Variants in CXADR observed in about 807,000 individuals in gnomAD.
The protein encoded by CXADR is coxsackievirus and adenovirus receptor.
A neutral mutation model predicts 40.3 loss-of-function variants in CXADR; 20 were observed. The ratio of observed to expected loss-of-function variants is 0.50; its 90% CI spans 0.35 to 0.72. CXADR has a LOEUF of 0.72. CXADR is among the 30% of genes least tolerant of loss of function. CXADR has a pLI of 0.01. For synonymous variants in CXADR, 150 were observed against 161.3 expected (o/e 0.93, Z 0.53); for missense variants, 332 against 449.1 (o/e 0.74, Z 2.36).
chr21:17,531,247 T>C (rs1806577243), intron 1 of CXADR, among the ~76,000 whole-genome samples: 2 of 150,898 alleles, frequency 1.3e-5, no homozygotes, highest in South Asian at 2.1e-4. Context: ...TGCAGTGAGC[T>C]GAGTTTGTGC....
chr21:17,592,622 AAAGT>A (rs950038285), intron 7 of CXADR, among the ~76,000 whole-genome samples: 46 of 152,036 alleles, frequency 3.0e-4, no homozygotes, highest in African/African-American at 1.0e-3. Flanking sequence ...GATGACTCTG[AAAGT>A]AATTTTTTTT....
chr21:17,593,415 C>T (rs78948075), exon 8 of CXADR: 1 of 338,168 alleles, frequency 3.0e-6, no homozygotes, highest in South Asian at 1.5e-4. Context: ...TATAGTGACA[C>T]TGATAGTTAA....
chr21:17,522,742 G>A (rs929911080), intron 1 of CXADR, among the ~76,000 whole-genome samples: 5 of 151,988 alleles, frequency 3.3e-5, no homozygotes, highest in Admixed American at 6.6e-5. Flanking sequence ...TTCGTGTACC[G>A]TAAATGCCAA....
chr21:17,565,424 G>T lies in CXADR; in HGVS notation c.834-4G>T, dbSNP rs1290728894. Reference sequence around the variant, plus strand: ...TGACATGTATTGGGGATTTTGCTTTGCAGGGAAGATGTGCCACCTCCAAAG... The same window carrying T: ...TGACATGTATTGGGGATTTTGCTTTTCAGGGAAGATGTGCCACCTCCAAAG... On this transcript the variant is annotated splice_region_variant and splice_polypyrimidine_tract_variant and intron_variant, in intron 6 of 6. Transcript: ENST00000284878. The T allele has an allele frequency of 1.2e-6, 2 of 1,613,190 alleles. No individual in the cohort carries two copies. The highest frequency in any genetic ancestry group is 1.7e-6 in the Non-Finnish European group (2 of 1,179,462).
chr21:17,577,650 A>G (rs2061331884), intron 7 of CXADR, among the ~76,000 whole-genome samples: 1 of 70,636 alleles, frequency 1.4e-5, no homozygotes, highest in African/African-American at 5.1e-5. Context: ...TAACTGATGC[A>G]TTGATCTCTA....
At chr21:17,579,376 C>G (rs1317676963) in intron 7 of CXADR, among the ~76,000 whole-genome samples, 1 of 151,802 alleles carries the variant, frequency 6.6e-6, no homozygotes, top group Non-Finnish European at 1.5e-5. Context: ...CCTCCGTCTC[C>G]CAGGTTCAAG....
At chr21:17,616,618 T>C in the CXADR span, among the ~76,000 whole-genome samples, 1 of 152,124 alleles carries the variant, frequency 6.6e-6, no homozygotes, top group Admixed American at 6.5e-5. Flanking sequence ...GAGGATTTTG[T>C]GTTATGTTAG....
At chr21:17,537,216 G>T (rs910149624) in intron 1 of CXADR, among the ~76,000 whole-genome samples, 1 of 152,172 alleles carries the variant, frequency 6.6e-6, no homozygotes. Context: ...CCTCTGATTT[G>T]TTGTTTTTAT....
the CXADR span, chr21:17,609,177 C>T: frequency 6.3e-7 from 1 of 1,591,760 alleles, no homozygotes; most frequent in Non-Finnish European, 8.5e-7. Flanking sequence ...CATGTTTTCT[C>T]AGAAAAACAA....
Position 17,534,019 on chromosome 21 carries a change from T to TATATAGCTATATATATATATACAC in CXADR, c.44-13003_44-13002insGCTATATATATATATACACATATA, listed in dbSNP as rs1555864917. Among the ~76,000 whole-genome samples the TATATAGCTATATATATATATACAC allele has an allele frequency of 3.3e-3, 266 of 81,376 alleles. 3 individuals carry two copies. Among genetic ancestry groups the TATATAGCTATATATATATATACAC allele is most frequent in the African/African-American group, 9.0e-3 (261 of 28,972 alleles). 53.4% of individuals were successfully genotyped at this position (81,376 alleles called of 152,430 possible). The stretch of plus-strand genomic sequence containing the variant: ...TCTCTTTCTCAGCAATATATATATA[T>TATATAGCTATATATATATATACAC]ATATATATAGCTATATATATATATA... On this transcript the variant is annotated intron_variant, in intron 1 of 6. Coordinates refer to ENST00000284878, the MANE Select transcript of CXADR (RefSeq NM_001338.5).
chr21:17,602,122 ACT>A, the CXADR span, among the ~76,000 whole-genome samples: 11 of 151,840 alleles, frequency 7.2e-5, no homozygotes, highest in Non-Finnish European at 1.0e-4. Flanking sequence ...AGTATTTAAC[ACT>A]CTATTGGGGG....
At chr21:17,520,083 A>G (rs940587256) in intron 1 of CXADR, among the ~76,000 whole-genome samples, 4 of 152,058 alleles carry the variant, frequency 2.6e-5, no homozygotes, top group Non-Finnish European at 5.9e-5. Flanking sequence ...ACTATTTCCA[A>G]CTGCGTAACT....
intron 3 of CXADR, among the ~76,000 whole-genome samples, chr21:17,558,685 ATT>A (rs150990314): frequency 0.014 from 2,083 of 152,206 alleles, 46 homozygotes; most frequent in African/African-American, 0.045. Flanking sequence ...CAAGTGCATC[ATT>A]CTTGCTTTTT....
At chr21:17,586,970 T>C (rs959941608) in intron 7 of CXADR, among the ~76,000 whole-genome samples, 1 of 152,158 alleles carries the variant, frequency 6.6e-6, no homozygotes, top group African/African-American at 2.4e-5. Flanking sequence ...TTCCCACCTA[T>C]GAGTGAGAAC....
intron 3 of CXADR, among the ~76,000 whole-genome samples, chr21:17,558,081 C>CTT (rs11420511): frequency 2.1e-4 from 31 of 149,820 alleles, no homozygotes; most frequent in African/African-American, 6.6e-4. Flanking sequence ...CTCAGATTTC[C>CTT]TTTTTTTTTT....
intron 1 of CXADR, among the ~76,000 whole-genome samples, chr21:17,531,521 C>T (rs928573081): frequency 1.3e-5 from 2 of 152,138 alleles, no homozygotes; most frequent in Non-Finnish European, 2.9e-5. Flanking sequence ...GCTTTATCAA[C>T]TCTCAGCTCA....
At chr21:17,549,075 T>A (rs531544706) in intron 2 of CXADR, among the ~76,000 whole-genome samples, 27 of 152,346 alleles carry the variant, frequency 1.8e-4, no homozygotes, top group African/African-American at 6.0e-4. Flanking sequence ...TTATTCCTTA[T>A]GTGATCTCTT....
At chr21:17,553,779 A>G (rs1038355518) in intron 3 of CXADR, among the ~76,000 whole-genome samples, 15 of 151,876 alleles carry the variant, frequency 9.9e-5, no homozygotes, top group African/African-American at 3.6e-4. Context: ...CCGCCACCAC[A>G]CCTGGCTGAT....
chr21:17,607,781 AT>A, the CXADR span, among the ~76,000 whole-genome samples: 2 of 152,202 alleles, frequency 1.3e-5, no homozygotes, highest in African/African-American at 4.8e-5. Flanking sequence ...TTCCACTTTT[AT>A]TTCTCGTGGC....
Sources: gnomAD v4.1 joint callset for allele counts (sites outside exome capture counted in the v4.1 genomes callset) on GRCh38, gnomAD v4.1.1 for gene constraint, MANE v1.5 for transcripts, NCBI Gene and HGNC (gene_info 2026-07-23, HGNC 2026-07-21) for gene names.